Variants in CSMD1 observed in about 807,000 individuals in gnomAD.
CSMD1 encodes the protein CUB and sushi domain-containing protein 1.
Under a neutral mutation model 417.5 loss-of-function variants are expected in CSMD1, and 213 were observed. That is an observed-to-expected ratio of 0.51 (90% CI 0.46 to 0.57). The LOEUF (loss-of-function observed/expected upper bound fraction) is 0.57, where lower values mean the gene tolerates loss of function less well. CSMD1 is among the 20% of genes least tolerant of loss of function. CSMD1 has a pLI of 0.00. For synonymous variants in CSMD1, 2,862 were observed against 1,736.8 expected (o/e 1.65, Z -16.11); for missense variants, 6,923 against 4,529.7 (o/e 1.53, Z -15.17).
At chr8:4,897,250 T>C (rs1354035072) in intron 1 of CSMD1, among the ~76,000 whole-genome samples, 1 of 152,080 alleles carries the variant, frequency 6.6e-6, no homozygotes, top group Admixed American at 6.5e-5. Flanking sequence ...CAAAATCCTT[T>C]CATCGTATCA....
intron 3 of CSMD1, among the ~76,000 whole-genome samples, chr8:4,153,775 T>C (rs1026840319): frequency 2.6e-5 from 4 of 152,204 alleles, no homozygotes; most frequent in Non-Finnish European, 4.4e-5. Flanking sequence ...AAACCCTTTG[T>C]CAGGGGAAAC....
intron 26 of CSMD1, among the ~76,000 whole-genome samples, chr8:3,242,607 G>A (rs1254471480): frequency 6.6e-6 from 1 of 152,030 alleles, no homozygotes; most frequent in Non-Finnish European, 1.5e-5. Context: ...GGAATATAAG[G>A]CATTTAGGTT....
chr8:4,321,399 T>C (rs1398575869), intron 3 of CSMD1, among the ~76,000 whole-genome samples: 1 of 152,154 alleles, frequency 6.6e-6, no homozygotes, highest in African/African-American at 2.4e-5. Context: ...AGAGTTTTTT[T>C]CATCCCAAAC....
intron 6 of CSMD1, among the ~76,000 whole-genome samples, chr8:3,747,873 T>C (rs953000065): frequency 5.3e-5 from 8 of 152,144 alleles, no homozygotes; most frequent in South Asian, 2.1e-4. Context: ...TGGGGAGGCA[T>C]TGAGTCTGAG....
intron 3 of CSMD1, among the ~76,000 whole-genome samples, chr8:4,099,542 C>T (rs1231841926): frequency 2.0e-5 from 3 of 151,934 alleles, no homozygotes; most frequent in Non-Finnish European, 4.4e-5. Context: ...CCTTTGTGAA[C>T]AAACTGAAGT....
intron 5 of CSMD1, among the ~76,000 whole-genome samples, chr8:3,837,447 A>G (rs1322913313): frequency 2.0e-5 from 3 of 152,110 alleles, no homozygotes; most frequent in African/African-American, 7.2e-5. Flanking sequence ...AGGCATTTAT[A>G]AGAGAAGAGA....
intron 46 of CSMD1, among the ~76,000 whole-genome samples, chr8:3,101,614 A>G (rs918643853): frequency 2.6e-5 from 4 of 151,568 alleles, no homozygotes; most frequent in Non-Finnish European, 5.9e-5. Context: ...TTTAGTAGAG[A>G]TAGGTTTTCA....
At chr8:4,862,213 C>T (rs1329213262) in intron 1 of CSMD1, among the ~76,000 whole-genome samples, 4 of 151,866 alleles carry the variant, frequency 2.6e-5, no homozygotes, top group African/African-American at 7.3e-5. Flanking sequence ...GCCTGGGGGG[C>T]TTGAATACAG....
At chr8:3,863,981 T>C (rs1045372240) in intron 5 of CSMD1, among the ~76,000 whole-genome samples, 4 of 152,184 alleles carry the variant, frequency 2.6e-5, no homozygotes, top group Non-Finnish European at 5.9e-5. Context: ...GGCTGCAGTC[T>C]AGGTTTGTAG....
At chr8:4,642,951 G>C (rs1803292743) in intron 1 of CSMD1, among the ~76,000 whole-genome samples, 1 of 152,184 alleles carries the variant, frequency 6.6e-6, no homozygotes, top group Admixed American at 6.5e-5. Flanking sequence ...TACAAACGAG[G>C]AAACGAGTCA....
chr8:3,201,708 C>T lies in CSMD1; in HGVS notation c.5002G>A (p.Ala1668Thr), dbSNP rs766323571. Residue 1668 changes from alanine (A) to threonine (T), a missense_variant, in exon 32 of 70, where the codon GCC becomes ACC. Physicochemically the swap from Ala to Thr is moderately conservative, Grantham distance 58 (BLOSUM62 0). Coordinates refer to ENST00000635120, the MANE Select transcript of CSMD1 (RefSeq NM_033225.6). Reference protein sequence around the residue: ...PKEFVVFGQFAYFQTALNDLA... With the variant: ...PKEFVVFGQFTYFQTALNDLA... ...TCATTCAGGGCTGTCTGGAAATAGG[C>T]AAACTGTCCAAAGACCACTAAAAAA... is the stretch of plus-strand genomic sequence containing the variant. The T allele has an allele frequency of 1.9e-6, 3 of 1,597,756 alleles. No individual in the cohort carries two copies. Among genetic ancestry groups the T allele is most frequent in the Non-Finnish European group, 2.6e-6 (3 of 1,171,346 alleles).
chr8:4,667,252 G>A (rs1585419190), intron 1 of CSMD1, among the ~76,000 whole-genome samples: 1 of 151,950 alleles, frequency 6.6e-6, no homozygotes, highest in African/African-American at 2.4e-5. Flanking sequence ...CTTGATTACT[G>A]TAGCATGAAA....
At chr8:3,655,544 C>T (rs1798057624) in intron 7 of CSMD1, among the ~76,000 whole-genome samples, 1 of 152,080 alleles carries the variant, frequency 6.6e-6, no homozygotes, top group African/African-American at 2.4e-5. Context: ...TGCTGGGAAA[C>T]CCAACTGTGT....
chr8:3,543,244 C>T (rs764055649), intron 10 of CSMD1, among the ~76,000 whole-genome samples: 16 of 152,222 alleles, frequency 1.1e-4, no homozygotes, highest in East Asian at 1.9e-4. Flanking sequence ...CAGGATGTGA[C>T]GTAGAGCAGA....
intron 7 of CSMD1, among the ~76,000 whole-genome samples, chr8:3,680,721 C>T (rs904137299): frequency 2.6e-5 from 4 of 152,164 alleles, no homozygotes; most frequent in African/African-American, 9.7e-5. Context: ...CAAAGCCGGG[C>T]AGAGACACAA....
chr8:4,462,840 G>C (rs145021180), intron 2 of CSMD1, among the ~76,000 whole-genome samples: 38 of 152,122 alleles, frequency 2.5e-4, no homozygotes, highest in African/African-American at 7.5e-4. Flanking sequence ...AGACCCAAAT[G>C]TAAGAAGTGC....
chr8:3,156,986 CAAAAAAAAAA>C (rs869173951), intron 39 of CSMD1, among the ~76,000 whole-genome samples: 4 of 64,450 alleles, frequency 6.2e-5, no homozygotes, highest in East Asian at 1.1e-3. Flanking sequence ...GTTGTTTAGA[CAAAAAAAAAA>C]AAAAAAAAAA....
intron 3 of CSMD1, among the ~76,000 whole-genome samples, chr8:4,106,572 G>C (rs1057256385): frequency 1.3e-5 from 2 of 152,052 alleles, no homozygotes; most frequent in Admixed American, 6.6e-5. Context: ...AAAAATGTGA[G>C]TTAATAATTA....
intron 5 of CSMD1, among the ~76,000 whole-genome samples, chr8:3,936,807 AT>A (rs1810530556): frequency 6.6e-6 from 1 of 152,188 alleles, no homozygotes; most frequent in African/African-American, 2.4e-5. Flanking sequence ...TTTAAGAAAT[AT>A]GTTTCATAAG....
Sources: allele counts gnomAD v4.1 joint callset (sites outside exome capture counted in the v4.1 genomes callset), GRCh38; gene constraint gnomAD v4.1.1; transcripts MANE v1.5; gene names NCBI Gene and HGNC (gene_info 2026-07-23, HGNC 2026-07-21).